Variants in GALNTL6 observed in about 807,000 individuals in gnomAD.
GALNTL6 encodes the protein polypeptide N-acetylgalactosaminyltransferase-like 6.
In GALNTL6, 46 loss-of-function variants were observed where a neutral mutation model predicts 73.7. The observed-to-expected ratio is 0.62, with a 90% CI of 0.49 to 0.80. GALNTL6 has a LOEUF of 0.80. GALNTL6 is among the 30% of genes least tolerant of loss of function. GALNTL6 has a pLI of 0.00. For synonymous variants in GALNTL6, 259 were observed against 263.7 expected, an observed-to-expected ratio of 0.98 and a Z score of 0.17; for missense variants, 604 against 755.0, an observed-to-expected ratio of 0.80 and a Z score of 2.34.
chr4:172,408,291 A>C (rs1308675030), intron 5 of GALNTL6, among the ~76,000 whole-genome samples: 1 of 152,014 alleles, frequency 6.6e-6, no homozygotes, highest in African/African-American at 2.4e-5. Context: ...AATAGGAATG[A>C]TTGTATGCTT....
intron 5 of GALNTL6, among the ~76,000 whole-genome samples, chr4:172,624,086 G>T (rs1739065036): frequency 6.6e-6 from 1 of 152,050 alleles, no homozygotes; most frequent in African/African-American, 2.4e-5. Context: ...TTTAAAATGT[G>T]ATATCCATCT....
intron 5 of GALNTL6, among the ~76,000 whole-genome samples, chr4:172,630,380 C>G (rs1272920278): frequency 1.3e-5 from 2 of 152,070 alleles, no homozygotes; most frequent in East Asian, 3.9e-4. Flanking sequence ...TACATTTTAT[C>G]TTTTTATAAC....
chr4:172,747,229 C>T (rs1737162071), intron 5 of GALNTL6, among the ~76,000 whole-genome samples: 1 of 151,994 alleles, frequency 6.6e-6, no homozygotes, highest in South Asian at 2.1e-4. Flanking sequence ...GAAGAGACAA[C>T]CCATAGATGG....
chr4:172,118,106 T>C (rs1259663077), intron 2 of GALNTL6, among the ~76,000 whole-genome samples: 4 of 152,138 alleles, frequency 2.6e-5, no homozygotes, highest in African/African-American at 7.2e-5. Flanking sequence ...ATAGTAGTGA[T>C]TGAGATGTGG....
intron 10 of GALNTL6, among the ~76,000 whole-genome samples, chr4:172,988,668 G>A (rs1177194801): frequency 1.3e-5 from 2 of 152,254 alleles, no homozygotes; most frequent in Non-Finnish European, 2.9e-5. Context: ...CTAGGAGGGA[G>A]GTATGGTTTC....
At chr4:172,667,236 C>G (rs1390147504) in intron 5 of GALNTL6, 1 of 152,232 alleles carries the variant, frequency 6.6e-6, no homozygotes, top group Non-Finnish European at 1.5e-5. Context: ...GCACTCTCCT[C>G]CCTTCTACTG....
chr4:172,168,673 G>A (rs895139388), intron 2 of GALNTL6, among the ~76,000 whole-genome samples: 1 of 152,016 alleles, frequency 6.6e-6, no homozygotes, highest in Admixed American at 6.6e-5. Context: ...TGGTAATGGT[G>A]ATGGTGACAT....
At chr4:172,442,784 G>T (rs148242649) in intron 5 of GALNTL6, among the ~76,000 whole-genome samples, 1,585 of 152,098 alleles carry the variant, frequency 0.01, 21 homozygotes, top group Non-Finnish European at 0.016. Context: ...TGTGCTATTT[G>T]CCATTAAGAT....
chr4:172,385,685 T>C (rs1323409961), intron 5 of GALNTL6, among the ~76,000 whole-genome samples: 1 of 152,116 alleles, frequency 6.6e-6, no homozygotes, highest in Non-Finnish European at 1.5e-5. Context: ...TATCATTGGA[T>C]CATTTTTATA....
intron 2 of GALNTL6, among the ~76,000 whole-genome samples, chr4:172,220,611 A>G (rs1736641349): frequency 6.6e-6 from 1 of 151,822 alleles, no homozygotes; most frequent in African/African-American, 2.4e-5. Flanking sequence ...ATGGCTTTAT[A>G]TTTTCATTAA....
At chr4:172,265,019 A>G (rs1432021109) in intron 3 of GALNTL6, among the ~76,000 whole-genome samples, 2 of 151,948 alleles carry the variant, frequency 1.3e-5, no homozygotes, top group Admixed American at 1.3e-4. Context: ...GTTGTTAGTG[A>G]TAATTCTTAC....
chr4:172,003,573 A>G (rs1251137292), intron 2 of GALNTL6, among the ~76,000 whole-genome samples: 1 of 152,166 alleles, frequency 6.6e-6, no homozygotes, highest in Admixed American at 6.5e-5. Flanking sequence ...TTAAGCCTTC[A>G]TATATTCAAC....
chr4:172,764,262 TA>T (rs1393746133), intron 5 of GALNTL6, among the ~76,000 whole-genome samples: 1 of 152,352 alleles, frequency 6.6e-6, no homozygotes, highest in African/African-American at 2.4e-5. Context: ...TGGCCAGTGT[TA>T]TTTTTTTCTA....
At chr4:172,755,237 TATAGATAGATAG>T (rs58940503) in intron 5 of GALNTL6, among the ~76,000 whole-genome samples, 1 of 145,550 alleles carries the variant, frequency 6.9e-6, no homozygotes, top group Non-Finnish European at 1.5e-5. Context: ...AAATGACAGA[TATAGATAGATAG>T]ATAGATAGAT....
chr4:172,409,277 C>G (rs552471841), intron 5 of GALNTL6, among the ~76,000 whole-genome samples: 7 of 151,918 alleles, frequency 4.6e-5, no homozygotes, highest in Non-Finnish European at 1.0e-4. Flanking sequence ...ATTGATGCTA[C>G]TAGTAACAAC....
intron 5 of GALNTL6, among the ~76,000 whole-genome samples, chr4:172,538,088 T>C (rs908040656): frequency 6.6e-6 from 1 of 152,110 alleles, no homozygotes; most frequent in African/African-American, 2.4e-5. Flanking sequence ...GACCATATAC[T>C]TTCAAGGAGA....
At chr4:172,434,683 A>G (rs1731571169) in intron 5 of GALNTL6, among the ~76,000 whole-genome samples, 1 of 152,160 alleles carries the variant, frequency 6.6e-6, no homozygotes, top group Non-Finnish European at 1.5e-5. Context: ...TTACACACAC[A>G]TTCTTAATAC....
rs1749488767 is a variant in GALNTL6 at position 172,952,256 on chromosome 4, G to GA, written c.1370dup (p.Ile458AspfsTer32). 6.2e-7 allele frequency: 1 copy of GA among 1,612,770 alleles called. No individual in the cohort carries two copies. Among genetic ancestry groups the GA allele is most frequent in the Admixed American group, 1.7e-5 (1 of 59,974 alleles). On this transcript the variant is annotated frameshift_variant and splice_region_variant, in exon 10 of 13. Transcript: ENST00000506823. LOFTEE classifies it high-confidence loss of function. The stretch of plus-strand genomic sequence containing the variant: ...GGAGCCCCCGCCTGCTGCCTGGGGG[G>GA]AGGTGAGGAAAGGTTGCCTGAAACC...
chr4:172,079,069 GTATC>G (rs1234535343), intron 2 of GALNTL6, among the ~76,000 whole-genome samples: 2 of 151,900 alleles, frequency 1.3e-5, no homozygotes, highest in Non-Finnish European at 2.9e-5. Context: ...ACTCAAATAT[GTATC>G]TATATTTATG....
Sources: gnomAD v4.1 joint callset for allele counts (sites outside exome capture counted in the v4.1 genomes callset) on GRCh38, gnomAD v4.1.1 for gene constraint, MANE v1.5 for transcripts, NCBI Gene and HGNC (gene_info 2026-07-23, HGNC 2026-07-21) for gene names.